The following RYR2 variants were observed in gnomAD, a reference collection of about 807,000 sequenced individuals.
RYR2 encodes cardiac muscle ryanodine receptor-calcium release channel.
Under a neutral mutation model 601.1 loss-of-function variants are expected in RYR2, and 227 were observed. That is an observed-to-expected ratio of 0.38 (90% confidence interval 0.34 to 0.42). The LOEUF is 0.42. Ranked by LOEUF, RYR2 falls within the 10% of genes least tolerant of loss-of-function variation. RYR2 has a pLI of 1.00. For synonymous variants in RYR2, 2,223 were observed against 2,175.1 expected, an observed-to-expected ratio of 1.02 and a Z score of -0.61; for missense variants, 4,646 against 6,156.5, an observed-to-expected ratio of 0.75 and a Z score of 8.21.
intron 2 of RYR2, among the ~76,000 whole-genome samples, chr1:237,281,508 GCA>G (rs983137720): frequency 3.4e-4 from 52 of 152,306 alleles, no homozygotes; most frequent in African/African-American, 1.2e-3. Flanking sequence ...TTCACCTCTT[GCA>G]CACAGTTTCA....
intron 1 of RYR2, among the ~76,000 whole-genome samples, chr1:237,107,788 G>T (rs1668906135): frequency 6.6e-6 from 1 of 152,136 alleles, no homozygotes. Flanking sequence ...ACGGTGTCCT[G>T]CAGCCTTAGT....
chr1:237,338,795 GAA>G (rs1445245774), intron 3 of RYR2, among the ~76,000 whole-genome samples: 2 of 152,146 alleles, frequency 1.3e-5, no homozygotes, highest in African/African-American at 4.8e-5. Flanking sequence ...GGATCAAAAT[GAA>G]AAGAGTTAAT....
At chr1:237,595,727 G>A (rs1675825363) in intron 34 of RYR2, 70 bp downstream of exon 34, 1 of 1,517,990 alleles carries the variant, frequency 6.6e-7, no homozygotes, top group African/African-American at 1.4e-5. Flanking sequence ...GGAAAACACA[G>A]TTTGTAAGAT....
At chr1:237,191,975 C>A (rs1386714617) in intron 1 of RYR2, among the ~76,000 whole-genome samples, 1 of 151,996 alleles carries the variant, frequency 6.6e-6, no homozygotes, top group Non-Finnish European at 1.5e-5. Context: ...AACAGTGATA[C>A]CTTTTTGAAT....
chr1:237,818,059 C>T (rs1025931312), intron 100 of RYR2, among the ~76,000 whole-genome samples: 10 of 152,026 alleles, frequency 6.6e-5, no homozygotes, highest in East Asian at 1.9e-4. Context: ...ATGGGGAGAG[C>T]GGAGAGAGCA....
chr1:237,493,179 T>A, intron 19 of RYR2, 92 bp downstream of exon 19: 12 of 1,370,464 alleles, frequency 8.8e-6, no homozygotes, highest in South Asian at 1.2e-5. Flanking sequence ...GTCTGTTTTT[T>A]AAATTAGACC....
intron 1 of RYR2, among the ~76,000 whole-genome samples, chr1:237,053,317 G>T (rs1661519396): frequency 6.6e-6 from 1 of 152,214 alleles, no homozygotes; most frequent in African/African-American, 2.4e-5. Context: ...TCAGACAAAT[G>T]AAAAGCTGAG....
At chr1:237,291,270 C>G (rs1692157117) in intron 2 of RYR2, among the ~76,000 whole-genome samples, 1 of 151,886 alleles carries the variant, frequency 6.6e-6, no homozygotes, top group Admixed American at 6.6e-5. Context: ...AGTGAAAATC[C>G]AAAACTCAGA....
intron 80 of RYR2, among the ~76,000 whole-genome samples, chr1:237,747,646 T>C (rs1450378531): frequency 2.6e-5 from 4 of 152,210 alleles, no homozygotes. Context: ...GAATGGGCTG[T>C]AAGATATACT....
intron 1 of RYR2, among the ~76,000 whole-genome samples, chr1:237,195,354 A>G (rs1419401508): frequency 1.3e-5 from 2 of 152,158 alleles, no homozygotes; most frequent in Non-Finnish European, 2.9e-5. Flanking sequence ...CCCACGTTCA[A>G]GTGATTCTCC....
intron 63 of RYR2, among the ~76,000 whole-genome samples, chr1:237,697,947 A>G (rs115138277): frequency 0.012 from 1,779 of 152,278 alleles, 30 homozygotes; most frequent in African/African-American, 0.04. Flanking sequence ...TCATATCACT[A>G]AACTGGCTTG....
chr1:237,145,657 A>G (rs1215277743), intron 1 of RYR2, among the ~76,000 whole-genome samples: 2 of 152,186 alleles, frequency 1.3e-5, no homozygotes, highest in African/African-American at 4.8e-5. Flanking sequence ...TACATGTTGG[A>G]TATAGACCTA....
In RYR2 at chr1:237,787,068, T is replaced by C. The variant is rs1573947416; in HGVS notation, c.13329-920T>C. Reference sequence around the variant, plus strand: ...ATTAATACATATGACTTCACTTTAATTTAATGAAGGACTGATATTTTGCAC... The same window carrying C: ...ATTAATACATATGACTTCACTTTAACTTAATGAAGGACTGATATTTTGCAC... On this transcript the variant is annotated intron_variant, in intron 91 of 104. Transcript: ENST00000366574. 2.0e-5 allele frequency among the ~76,000 whole-genome samples: 3 copies of C among 152,320 alleles called. No homozygotes were observed. In the South Asian group the frequency reaches 6.2e-4, roughly 32 times the overall value.
intron 61 of RYR2, among the ~76,000 whole-genome samples, chr1:237,678,388 G>A (rs1187370265): frequency 6.6e-6 from 1 of 151,926 alleles, no homozygotes; most frequent in Non-Finnish European, 1.5e-5. Context: ...CATATGATAT[G>A]GAATAAAAAA....
intron 25 of RYR2, 103 bp downstream of exon 25, chr1:237,530,613 T>A: frequency 2.1e-6 from 2 of 968,108 alleles, no homozygotes; most frequent in Non-Finnish European, 1.6e-6. Context: ...ACTGAAGCTT[T>A]AAAATTCAGA....
At chr1:237,480,652 A>G (rs17634955) in intron 17 of RYR2, among the ~76,000 whole-genome samples, 3,247 of 152,174 alleles carry the variant, frequency 0.021, 58 homozygotes, top group Non-Finnish European at 0.034. Flanking sequence ...GGCCTAATTA[A>G]GGCTGCATAG....
At chr1:237,721,513 C>T (rs1374796068) in intron 73 of RYR2, among the ~76,000 whole-genome samples, 2 of 151,912 alleles carry the variant, frequency 1.3e-5, no homozygotes, top group Non-Finnish European at 2.9e-5. Context: ...TTGCTTTGTC[C>T]GTTTTTTGTT....
At chr1:237,459,090 A>G (rs1659174435) in intron 16 of RYR2, among the ~76,000 whole-genome samples, 1 of 152,248 alleles carries the variant, frequency 6.6e-6, no homozygotes, top group African/African-American at 2.4e-5. Context: ...CAAAATTCTA[A>G]TGACTGCATT....
chr1:237,487,293 G>A (rs567084741), intron 17 of RYR2, among the ~76,000 whole-genome samples: 18 of 152,034 alleles, frequency 1.2e-4, no homozygotes, highest in Admixed American at 1.0e-3. Flanking sequence ...TTAAATATAC[G>A]CATAATATTG....
Sources: gnomAD v4.1 joint callset for allele counts (sites outside exome capture counted in the v4.1 genomes callset) on GRCh38, gnomAD v4.1.1 for gene constraint, MANE v1.5 for transcripts, NCBI Gene and HGNC (gene_info 2026-07-23, HGNC 2026-07-21) for gene names.